STARD13: variants seen among roughly 807,000 people sequenced by gnomAD.
STARD13 encodes StAR related lipid transfer domain containing 13.
Under a neutral mutation model 106.4 loss-of-function variants are expected in STARD13, and 62 were observed. The ratio of observed to expected loss-of-function variants is 0.58; its 90% CI spans 0.48 to 0.72. STARD13 has a LOEUF of 0.72. Among genes scored for constraint, STARD13 ranks in the 30% least tolerant of loss-of-function variants. The pLI, the probability that STARD13 is intolerant of heterozygous loss-of-function variation, is 0.00. For synonymous variants in STARD13, 565 were observed against 553.0 expected, an observed-to-expected ratio of 1.02 and a Z score of -0.31; for missense variants, 1,387 against 1,424.0, an observed-to-expected ratio of 0.97 and a Z score of 0.42.
At position 33,167,632 on chromosome 13, in the gene STARD13, A is replaced by T; in HGVS notation, c.170-10T>A. 1 of 1,614,010 alleles carries T rather than the reference A, an allele frequency of 6.2e-7. No homozygotes were observed. The highest frequency in any genetic ancestry group is 8.5e-7 in the Non-Finnish European group (1 of 1,179,892). On this transcript the variant is annotated splice_polypyrimidine_tract_variant and intron_variant, in intron 1 of 13. Transcript: ENST00000336934. Reference sequence around the variant, plus strand: ...TCTTTTGCCTCAATTTCTGAAAAACACAAGAGAGATAAAATTGTGAGTCCC... The same window carrying T: ...TCTTTTGCCTCAATTTCTGAAAAACTCAAGAGAGATAAAATTGTGAGTCCC...
At position 33,166,075 on chromosome 13, in the gene STARD13, C is replaced by T. The variant is rs559715054; in HGVS notation, c.242-657G>A. ...CAGCTCATTGGAATAGAGGACATAG[C>T]CAAATGTAACCATGCTGGGTCACTA... On this transcript the variant is annotated intron_variant, in intron 2 of 13. Coordinates refer to ENST00000336934, the MANE Select transcript of STARD13 (RefSeq NM_178006.4). Among the ~76,000 whole-genome samples, 4 of 152,290 alleles carry T rather than the reference C, an allele frequency of 2.6e-5. No individual in the cohort carries two copies. In the South Asian group the frequency reaches 8.3e-4, roughly 32 times the overall value.
At chr13:33,223,997 A>G (rs188720863) in intron 1 of STARD13, among the ~76,000 whole-genome samples, 72 of 152,292 alleles carry the variant, frequency 4.7e-4, no homozygotes, top group South Asian at 1.7e-3. Context: ...AGTTGATTAC[A>G]GTAGGGGAGG....
At position 33,257,676 on chromosome 13, in the gene STARD13, C is replaced by T. The variant is rs1422651263; in HGVS notation, c.169+27794G>A. Among the ~76,000 whole-genome samples the T allele has an allele frequency of 2.6e-5, 4 of 151,952 alleles. No individual in the cohort carries two copies. In the South Asian group the frequency reaches 6.2e-4, roughly 24 times the overall value. On this transcript the variant is annotated intron_variant, in intron 1 of 13. Coordinates refer to ENST00000336934, the MANE Select transcript of STARD13 (RefSeq NM_178006.4). ...CTCCAAGCCTCAGGAATTATTTTACCCTTACTTTTTAAGAACTGGTATTAT... is the reference window on the plus strand; with the variant it reads ...CTCCAAGCCTCAGGAATTATTTTACTCTTACTTTTTAAGAACTGGTATTAT...
the STARD13 span, among the ~76,000 whole-genome samples, chr13:33,414,214 C>G: frequency 6.6e-6 from 1 of 152,160 alleles, no homozygotes; most frequent in East Asian, 1.9e-4. Context: ...CTATATCCCT[C>G]TGACATTGCT....
chr13:33,165,804 AT>A (rs1169971294), intron 2 of STARD13, among the ~76,000 whole-genome samples: 1 of 152,146 alleles, frequency 6.6e-6, no homozygotes, highest in Non-Finnish European at 1.5e-5. Flanking sequence ...AATTTGGCAG[AT>A]TTTTTTCCTT....
intron 1 of STARD13, among the ~76,000 whole-genome samples, chr13:33,239,543 G>A (rs2147816): frequency 0.7 from 106,719 of 151,968 alleles, 37,958 homozygotes; most frequent in Middle Eastern, 0.74. Flanking sequence ...AAGACTTCTT[G>A]TTTTGTTGTT....
chr13:33,458,944 C>T, the STARD13 span, among the ~76,000 whole-genome samples: 4 of 151,530 alleles, frequency 2.6e-5, no homozygotes, highest in African/African-American at 9.7e-5. Context: ...CCTCAGTCTC[C>T]TAAGTAGCTG....
At chr13:33,578,615 C>T in the STARD13 span, among the ~76,000 whole-genome samples, 2 of 151,978 alleles carry the variant, frequency 1.3e-5, no homozygotes, top group Non-Finnish European at 2.9e-5. Context: ...ATTAAGACCC[C>T]AAAATCAAAT....
chr13:33,669,932 C>T, the STARD13 span, among the ~76,000 whole-genome samples: 1 of 152,310 alleles, frequency 6.6e-6, no homozygotes, highest in South Asian at 2.1e-4. Context: ...ATTCTTTACA[C>T]TTGTGCAGAT....
At chr13:33,296,866 G>A (rs112405396) in intron 1 of STARD13, among the ~76,000 whole-genome samples, 2,208 of 152,254 alleles carry the variant, frequency 0.015, 48 homozygotes, top group African/African-American at 0.049. Context: ...TGATCTGCCT[G>A]CCTCAGCCTC....
rs772864544 is a variant in STARD13, at chr13:33,129,690, C to T, written c.987G>A (p.Ser329=). The stretch of plus-strand genomic sequence containing the variant: ...GCTCCGACGGGCTGCTCTCGCCACT[C>T]GACTTGCCAGAGCATGGGAGCCCTT... The part of the protein sequence containing the change: ...CRKGLPCSGK[S]SGESSPSEHS... Residue 329 remains serine, a synonymous_variant, in exon 5 of 14, where the codon TCG becomes TCA. Transcript: ENST00000336934. 91 of 1,613,992 alleles carry T rather than the reference C, an allele frequency of 5.6e-5. No individual in the cohort carries two copies. Among genetic ancestry groups the T allele is most frequent in the African/African-American group, 4.3e-4 (32 of 74,908 alleles).
chr13:33,197,416 TTGTGTG>T (rs142681141), intron 1 of STARD13, among the ~76,000 whole-genome samples: 5 of 148,132 alleles, frequency 3.4e-5, no homozygotes, highest in South Asian at 4.3e-4. Flanking sequence ...AGGAAGAGAG[TTGTGTG>T]TGTGTGTGTG....
At chr13:33,622,218 G>A in the STARD13 span, among the ~76,000 whole-genome samples, 3 of 152,124 alleles carry the variant, frequency 2.0e-5, no homozygotes, top group Admixed American at 6.5e-5. Flanking sequence ...CTCATTTATG[G>A]GGCGAAAATA....
chr13:33,211,600 C>A (rs1388199989), intron 1 of STARD13, among the ~76,000 whole-genome samples: 3 of 152,116 alleles, frequency 2.0e-5, no homozygotes, highest in Non-Finnish European at 4.4e-5. Flanking sequence ...TCCTGTATAC[C>A]TTAAATCATC....
chr13:33,118,177 A>G lies in STARD13; in HGVS notation c.2169T>C (p.Tyr723=), dbSNP rs374473618. Residue 723 remains tyrosine, a synonymous_variant, in exon 8 of 14, where the codon TAT becomes TAC. Transcript: ENST00000336934. ...MNENFPENVN[Y]EDQSAYDVAD... is the part of the protein sequence containing the mutation. ...CCACATCATAAGCAGACTGGTCTTC[A>G]TAGTTGACGTTCTCAGGGAAGTTTT... The G allele has an allele frequency of 1.9e-6, 3 of 1,614,102 alleles. No individual in the cohort carries two copies. Among genetic ancestry groups the G allele is most frequent in the Non-Finnish European group, 2.5e-6 (3 of 1,180,042 alleles).
At chr13:33,298,044 G>T (rs906134440) in intron 1 of STARD13, among the ~76,000 whole-genome samples, 1 of 151,704 alleles carries the variant, frequency 6.6e-6, no homozygotes, top group Non-Finnish European at 1.5e-5. Flanking sequence ...TGTACACAGG[G>T]ACCTGCCCTC....
chr13:33,639,137 T>C, the STARD13 span, among the ~76,000 whole-genome samples: 1 of 152,164 alleles, frequency 6.6e-6, no homozygotes, highest in Non-Finnish European at 1.5e-5. Context: ...AATAAGATAA[T>C]GCCAGATGAT....
chr13:33,434,893 A>AGAAGGACGGAAG, the STARD13 span, among the ~76,000 whole-genome samples: 3 of 130,532 alleles, frequency 2.3e-5, no homozygotes, highest in Non-Finnish European at 4.8e-5. Flanking sequence ...AGGGAAGGAA[A>AGAAGGACGGAAG]GAAGGAAGGA....
the STARD13 span, among the ~76,000 whole-genome samples, chr13:33,492,882 AG>A: frequency 0.02 from 3,073 of 152,302 alleles, 92 homozygotes; most frequent in African/African-American, 0.068. Context: ...GGTCTGGATC[AG>A]GACCCCTTTC....
Sources: gnomAD v4.1 joint callset for allele counts (sites outside exome capture counted in the v4.1 genomes callset) on GRCh38, gnomAD v4.1.1 for gene constraint, MANE v1.5 for transcripts, NCBI Gene and HGNC (gene_info 2026-07-23, HGNC 2026-07-21) for gene names.